Variants in PARD3B observed in about 807,000 individuals in gnomAD.
PARD3B encodes the protein par-3 family cell polarity regulator beta, also known as partitioning defective 3 homolog B.
A neutral mutation model predicts 130.2 loss-of-function variants in PARD3B; 103 were observed. The ratio of observed to expected loss-of-function variants is 0.79; its 90% CI spans 0.67 to 0.93. PARD3B has a LOEUF of 0.93. PARD3B is among the 40% of genes least tolerant of loss of function. The pLI is 0.00. For synonymous variants in PARD3B, 583 were observed against 553.2 expected (o/e 1.05, Z -0.76); for missense variants, 1,609 against 1,499.2 (o/e 1.07, Z -1.21).
In PARD3B at chr2:204,623,740, A is replaced by G. The variant is rs371380782; in HGVS notation, c.121-62441A>G. 1.3e-5 allele frequency among the ~76,000 whole-genome samples: 2 copies of G among 152,172 alleles called. No individual in the cohort carries two copies. Among genetic ancestry groups the G allele is most frequent in the African/African-American group, 4.8e-5 (2 of 41,446 alleles). Reference sequence around the variant, plus strand: ...GTATTAACTATTGGCATAATGCTCCACAGCAGGTCTCTAGAACTGAATTAT... The same window carrying G: ...GTATTAACTATTGGCATAATGCTCCGCAGCAGGTCTCTAGAACTGAATTAT... On this transcript the variant is annotated intron_variant, in intron 1 of 22. Transcript: ENST00000406610. The surrounding 1 kb of genome is among the most constrained non-coding windows in gnomAD (Gnocchi z 4.5).
chr2:204,559,931 C>T (rs2031199142), intron 1 of PARD3B, among the ~76,000 whole-genome samples: 1 of 151,774 alleles, frequency 6.6e-6, no homozygotes, highest in African/African-American at 2.4e-5. Flanking sequence ...AGCAAACTAT[C>T]ACAAAGACAG....
At chr2:204,997,686 T>G (rs1575515928) in intron 3 of PARD3B, among the ~76,000 whole-genome samples, 1 of 152,134 alleles carries the variant, frequency 6.6e-6, no homozygotes, top group South Asian at 2.1e-4. Context: ...TCAAATTATT[T>G]TATTTTTTTA....
chr2:205,114,758 T>C (rs1395938658), intron 6 of PARD3B, among the ~76,000 whole-genome samples: 1 of 152,036 alleles, frequency 6.6e-6, no homozygotes. Flanking sequence ...ATCACCTTTT[T>C]TTTTTTTTTG....
chr2:204,965,909 C>G (rs1209636146), intron 3 of PARD3B, among the ~76,000 whole-genome samples: 1 of 152,078 alleles, frequency 6.6e-6, no homozygotes, highest in Non-Finnish European at 1.5e-5. Context: ...AGAGAAATAA[C>G]ATGTCTGTTT....
chr2:204,817,520 G>A (rs2043188645), intron 2 of PARD3B, among the ~76,000 whole-genome samples: 1 of 152,050 alleles, frequency 6.6e-6, no homozygotes, highest in Non-Finnish European at 1.5e-5. Context: ...TTCCTTTTGG[G>A]AAGAAGCACT....
intron 20 of PARD3B, among the ~76,000 whole-genome samples, chr2:205,443,263 C>T (rs1387894434): frequency 6.6e-6 from 1 of 152,146 alleles, no homozygotes; most frequent in African/African-American, 2.4e-5. Flanking sequence ...TAAGCAGGAA[C>T]CTACAAATTC....
chr2:204,561,594 AT>A (rs549784375), intron 1 of PARD3B, among the ~76,000 whole-genome samples: 9,674 of 124,878 alleles, frequency 0.077, 548 homozygotes, highest in African/African-American at 0.19. Context: ...TCTCCCTTGT[AT>A]TTTTTTTTTT....
intron 2 of PARD3B, among the ~76,000 whole-genome samples, chr2:204,947,773 A>G (rs1689452132): frequency 6.6e-6 from 1 of 152,086 alleles, no homozygotes; most frequent in South Asian, 2.1e-4. Flanking sequence ...TGTTGATTTA[A>G]AGAGATCTAC....
At chr2:205,109,202 C>G (rs1251945346) in intron 5 of PARD3B, among the ~76,000 whole-genome samples, 1 of 152,208 alleles carries the variant, frequency 6.6e-6, no homozygotes, top group Non-Finnish European at 1.5e-5. Flanking sequence ...CATTTGCATC[C>G]TCAAGATATT....
intron 16 of PARD3B, among the ~76,000 whole-genome samples, chr2:205,297,917 A>G (rs1020738246): frequency 3.3e-5 from 5 of 152,216 alleles, no homozygotes; most frequent in South Asian, 2.1e-4. Flanking sequence ...TGCCAACTCT[A>G]TTAATCTTGC....
chr2:204,935,609 G>A (rs1688393048), intron 2 of PARD3B, among the ~76,000 whole-genome samples: 3 of 151,472 alleles, frequency 2.0e-5, no homozygotes, highest in South Asian at 4.1e-4. Flanking sequence ...TATTATGTGT[G>A]TATACACACA....
intron 1 of PARD3B, among the ~76,000 whole-genome samples, chr2:204,672,233 A>G (rs540073917): frequency 6.6e-6 from 1 of 152,344 alleles, no homozygotes; most frequent in South Asian, 2.1e-4. Flanking sequence ...TATTTTCTGA[A>G]AAGTTTTAGC....
intron 2 of PARD3B, among the ~76,000 whole-genome samples, chr2:204,944,854 T>G (rs1209843799): frequency 6.6e-6 from 1 of 152,180 alleles, no homozygotes; most frequent in East Asian, 1.9e-4. Context: ...CTCTCCAGCT[T>G]ACCTCACAGG....
At chr2:204,716,666 A>G (rs972841245) in intron 2 of PARD3B, among the ~76,000 whole-genome samples, 8 of 139,654 alleles carry the variant, frequency 5.7e-5, no homozygotes, top group African/African-American at 2.2e-4. Context: ...TCTGTCGCCC[A>G]GGCTGGAGTA....
chr2:204,568,846 T>C (rs1378295462), intron 1 of PARD3B, among the ~76,000 whole-genome samples: 1 of 151,700 alleles, frequency 6.6e-6, no homozygotes, highest in African/African-American at 2.4e-5. Flanking sequence ...TCCCGACTAC[T>C]CGGGGGGCTG....
In PARD3B at chr2:204,545,909, A is replaced by G. The variant is rs960321375; in HGVS notation, c.-91A>G. Reference sequence around the variant, plus strand: ...AGCGGCGCCCCGGGTCTCTGGGCCCACCCGCCCCGGGCGTCCTCCGAGAGT... The same window carrying G: ...AGCGGCGCCCCGGGTCTCTGGGCCCGCCCGCCCCGGGCGTCCTCCGAGAGT... On this transcript the variant is annotated 5_prime_UTR_variant, in exon 1 of 23. Transcript: ENST00000406610. The G allele has an allele frequency of 2.2e-6, 3 of 1,378,578 alleles. No individual in the cohort carries two copies. Among genetic ancestry groups the G allele is most frequent in the Non-Finnish European group, 2.8e-6 (3 of 1,057,988 alleles). The allele number at this position is 1,378,578 out of a possible 1,614,324, so 85.4% of individuals were successfully genotyped here. A position where few individuals can be genotyped will look rare whatever the true frequency, so the allele number is the denominator to read the frequency against.
At chr2:204,569,303 A>G (rs1237397429) in intron 1 of PARD3B, among the ~76,000 whole-genome samples, 2 of 152,222 alleles carry the variant, frequency 1.3e-5, no homozygotes, top group Non-Finnish European at 2.9e-5. Flanking sequence ...ACAATATGAC[A>G]TCTTTTTACT....
chr2:205,081,967 T>A (rs1302049591), intron 4 of PARD3B, among the ~76,000 whole-genome samples: 1 of 152,166 alleles, frequency 6.6e-6, no homozygotes, highest in Non-Finnish European at 1.5e-5. Context: ...TATGTCCTTC[T>A]CAACTGTTTG....
chr2:204,689,095 TA>T lies in PARD3B; in HGVS notation c.222+2816del, dbSNP rs2037236138. On this transcript the variant is annotated intron_variant, in intron 2 of 22. Transcript: ENST00000406610. The surrounding 1 kb of genome is among the most constrained non-coding windows in gnomAD (Gnocchi z 5.2). ...GGTAACACCATCCCATACACTTCAGTAAAGGTAGAAACTAGAGGTTAAATGA... is the reference window on the plus strand; with the variant it reads ...GGTAACACCATCCCATACACTTCAGTAAGGTAGAAACTAGAGGTTAAATGA... 6.6e-6 allele frequency among the ~76,000 whole-genome samples: 1 copy of T among 152,282 alleles called. No homozygotes were observed. The highest frequency in any genetic ancestry group is 2.4e-5 in the African/African-American group (1 of 41,564).
Sources: gnomAD v4.1 joint callset for allele counts (sites outside exome capture counted in the v4.1 genomes callset) on GRCh38, gnomAD v4.1.1 for gene constraint, Gnocchi (gnomAD v3.1) non-coding constraint, MANE v1.5 for transcripts, NCBI Gene and HGNC (gene_info 2026-07-23, HGNC 2026-07-21) for gene names.